Variants in SHROOM4 observed in about 807,000 individuals in gnomAD.
SHROOM4 encodes the protein protein Shroom4.
Under a neutral mutation model 80.3 loss-of-function variants are expected in SHROOM4, and 17 were observed. That is an observed-to-expected ratio of 0.21 (90% CI 0.14 to 0.32). SHROOM4 has a LOEUF of 0.32. Ranked by LOEUF, SHROOM4 falls within the 10% of genes least tolerant of loss-of-function variation. SHROOM4 has a pLI of 1.00. For missense variants in SHROOM4, 993 were observed against 1,140.3 expected (o/e 0.87, Z 1.86); for synonymous variants, 400 against 437.5 (o/e 0.91, Z 1.07).
At chrX:50,623,791 G>A (rs1365299550) in intron 5 of SHROOM4, among the ~76,000 whole-genome samples, 1 of 112,063 alleles carries the variant, frequency 8.9e-6, no homozygotes, top group Non-Finnish European at 1.9e-5. Context: ...ATTAGTGGAA[G>A]GACTAGTAAA....
chrX:50,695,220 T>C (rs1181844124), intron 2 of SHROOM4, among the ~76,000 whole-genome samples: 1 of 112,350 alleles, frequency 8.9e-6, no homozygotes, highest in Non-Finnish European at 1.9e-5. Flanking sequence ...CAATACCTTC[T>C]GCAGTGATCT....
chrX:50,708,410 G>C (rs181985804), intron 1 of SHROOM4, among the ~76,000 whole-genome samples: 62 of 111,956 alleles, frequency 5.5e-4, no homozygotes, highest in East Asian at 2.8e-3. Flanking sequence ...GGCTATTCTA[G>C]AGAGAATGCT....
At chrX:50,768,892 T>A (rs781919221) in intron 1 of SHROOM4, among the ~76,000 whole-genome samples, 1 of 111,744 alleles carries the variant, frequency 8.9e-6, no homozygotes, top group Non-Finnish European at 1.9e-5. Context: ...AGGAATTAGG[T>A]TGGCAGGTTG....
chrX:50,791,101 T>C (rs904510984), intron 1 of SHROOM4, among the ~76,000 whole-genome samples: 1 of 110,953 alleles, frequency 9.0e-6, no homozygotes. Context: ...TTAGAACTAA[T>C]AAATCCAGTA....
At chrX:50,660,994 A>G (rs911347031) in intron 2 of SHROOM4, among the ~76,000 whole-genome samples, 2 of 110,076 alleles carry the variant, frequency 1.8e-5, no homozygotes, top group East Asian at 5.8e-4. Flanking sequence ...TCCTTTTTTG[A>G]ATGGTTTGTT....
chrX:50,685,866 G>A (rs1221572492), intron 2 of SHROOM4, among the ~76,000 whole-genome samples: 1 of 111,869 alleles, frequency 8.9e-6, no homozygotes, highest in Non-Finnish European at 1.9e-5. Flanking sequence ...AGTATACAAT[G>A]GCAAAGAGGC....
chrX:50,743,166 A>C (rs904190340), intron 1 of SHROOM4, among the ~76,000 whole-genome samples: 5 of 106,192 alleles, frequency 4.7e-5, no homozygotes, highest in African/African-American at 1.7e-4. Context: ...TCCTGGCACT[A>C]CGAGATTCTC....
rs1474953747 is a variant in SHROOM4, at chrX:50,587,095, G to A, written c.*9600C>T. On this transcript the variant is annotated 3_prime_UTR_variant, in exon 9 of 9. Coordinates refer to ENST00000376020, the MANE Select transcript of SHROOM4 (RefSeq NM_020717.5). ...ATTTCTTCCACCTCCATCCCCCTGTGTGTTTGACTTTTTTAGCTTCCACAT... is the reference window on the plus strand; with the variant it reads ...ATTTCTTCCACCTCCATCCCCCTGTATGTTTGACTTTTTTAGCTTCCACAT... Among the ~76,000 whole-genome samples the A allele has an allele frequency of 1.8e-5, 2 of 111,629 alleles. No individual in the cohort carries two copies. Among genetic ancestry groups the A allele is most frequent in the Non-Finnish European group, 3.8e-5 (2 of 53,093 alleles).
intron 4 of SHROOM4, among the ~76,000 whole-genome samples, chrX:50,631,357 A>C (rs2147286119): frequency 8.9e-6 from 1 of 112,080 alleles, no homozygotes; most frequent in East Asian, 2.8e-4. Flanking sequence ...TTCTGATGAA[A>C]ACTCTCAGTA....
intron 2 of SHROOM4, among the ~76,000 whole-genome samples, chrX:50,682,180 G>T (rs1361005899): frequency 8.9e-6 from 1 of 111,778 alleles, no homozygotes; most frequent in African/African-American, 3.3e-5. Context: ...GTGTCTAAGA[G>T]GCACTCAATA....
chrX:50,713,109 C>G (rs17003188), intron 1 of SHROOM4, among the ~76,000 whole-genome samples: 2,518 of 110,626 alleles, frequency 0.023, 83 homozygotes, highest in African/African-American at 0.08. Flanking sequence ...AGAAAAGAAA[C>G]CTGGGCCTGA....
intron 8 of SHROOM4, among the ~76,000 whole-genome samples, chrX:50,597,878 A>T (rs1929191712): frequency 1.8e-5 from 2 of 110,972 alleles, no homozygotes; most frequent in Admixed American, 1.9e-4. Context: ...TTGCTCTGTC[A>T]CCCAGGCTGG....
At chrX:50,665,978 T>C (rs1932676571) in intron 2 of SHROOM4, among the ~76,000 whole-genome samples, 1 of 111,655 alleles carries the variant, frequency 9.0e-6, no homozygotes, top group Admixed American at 9.6e-5. Flanking sequence ...GACCAACTGT[T>C]GGGCCAAGGA....
intron 2 of SHROOM4, among the ~76,000 whole-genome samples, chrX:50,657,631 T>C (rs1447849881): frequency 1.8e-5 from 2 of 110,325 alleles, no homozygotes; most frequent in Non-Finnish European, 3.8e-5. Flanking sequence ...GTTGCGAAGG[T>C]GGGGGTAGGT....
In SHROOM4 at chrX:50,716,039, C is replaced by G. The variant is rs1190460657; in HGVS notation, c.118-20102G>C. ...ATGCAACCTTAAAAATGAAGGAAATCCCATCATTTGTGGCAACATAGATGA... is the reference window on the plus strand; with the variant it reads ...ATGCAACCTTAAAAATGAAGGAAATGCCATCATTTGTGGCAACATAGATGA... On this transcript the variant is annotated intron_variant, in intron 1 of 8. Transcript: ENST00000376020. Among the ~76,000 whole-genome samples the G allele has an allele frequency of 2.7e-5, 3 of 110,279 alleles. No homozygotes were observed. In the Admixed American group the frequency reaches 2.9e-4, roughly 11 times the overall value.
chrX:50,609,692 T>TGTGTGC lies in SHROOM4; in HGVS notation c.2958-1509_2958-1508insGCACAC, dbSNP rs58411066. ...GTGTGTGTGTGTGTGTGTGTGTGTG[T>TGTGTGC]ATAATTTTAATATATTATATATGTT... On this transcript the variant is annotated intron_variant, in intron 5 of 8. Coordinates refer to ENST00000376020, the MANE Select transcript of SHROOM4 (RefSeq NM_020717.5). Among the ~76,000 whole-genome samples the TGTGTGC allele has an allele frequency of 4.0e-3, 427 of 107,490 alleles. 1 individual carries two copies. Among genetic ancestry groups the TGTGTGC allele is most frequent in the Non-Finnish European group, 4.7e-3 (242 of 51,997 alleles). 93.3% of individuals were successfully genotyped at this position (107,490 alleles called of 115,157 possible).
At chrX:50,792,051 T>A (rs1935863322) in intron 1 of SHROOM4, among the ~76,000 whole-genome samples, 1 of 111,946 alleles carries the variant, frequency 8.9e-6, no homozygotes, top group Admixed American at 9.5e-5. Flanking sequence ...GCAAAACTTG[T>A]AGAAGAAAAT....
chrX:50,798,804 G>A (rs1269578832), intron 1 of SHROOM4, among the ~76,000 whole-genome samples: 2 of 111,312 alleles, frequency 1.8e-5, no homozygotes, highest in African/African-American at 6.5e-5. Flanking sequence ...CCGGAGTTAG[G>A]GTTCCCAAGC....
chrX:50,760,382 G>A (rs782269384), intron 1 of SHROOM4, among the ~76,000 whole-genome samples: 1 of 101,158 alleles, frequency 9.9e-6, no homozygotes, highest in South Asian at 4.8e-4. Context: ...AGGCTAGAGT[G>A]CATGGAGTGT....
Sources: gnomAD v4.1 joint callset for allele counts (sites outside exome capture counted in the v4.1 genomes callset) on GRCh38, gnomAD v4.1.1 for gene constraint, MANE v1.5 for transcripts, NCBI Gene and HGNC (gene_info 2026-07-23, HGNC 2026-07-21) for gene names.